CSMD2: variants seen among roughly 807,000 people sequenced by gnomAD.
CSMD2 encodes the protein CUB and sushi domain-containing protein 2.
Under a neutral mutation model 398.5 loss-of-function variants are expected in CSMD2, and 130 were observed. That is an observed-to-expected ratio of 0.33 (90% confidence interval 0.28 to 0.38). The LOEUF (loss-of-function observed/expected upper bound fraction) is 0.38. Among genes scored for constraint, CSMD2 ranks in the 10% least tolerant of loss-of-function variants. CSMD2 has a pLI of 1.00. For missense variants in CSMD2, 3,829 were observed against 4,764.9 expected (o/e 0.80, Z 5.78); for synonymous variants, 1,828 against 1,908.5 (o/e 0.96, Z 1.10).
At position 33,537,453 on chromosome 1, in the gene CSMD2, G is replaced by A. The variant is rs924600029; in HGVS notation, c.9788C>T (p.Thr3263Ile). ...CCTCTCACCTATGCAGCTGGGCTGG[G>A]TGCCACTCCATGTCCCATCTGACTG... The part of the protein sequence containing the change: ...FCQSDGTWSG[T>I]QPSCIDPTLT... Residue 3263 changes from threonine (T) to isoleucine (I), a missense_variant, in exon 61 of 71, where the codon ACC becomes ATC. Thr to Ile is a moderately conservative substitution (Grantham distance 89). Transcript: ENST00000373381. The surrounding 1 kb of genome is among the most constrained non-coding windows in gnomAD (Gnocchi z 4.6). The A allele has an allele frequency of 3.1e-6, 5 of 1,613,490 alleles. No homozygotes were observed. The highest frequency in any genetic ancestry group is 1.7e-4 in the Middle Eastern group (1 of 6,008).
At chr1:33,768,028 C>T (rs1282619054) in intron 13 of CSMD2, among the ~76,000 whole-genome samples, 1 of 152,094 alleles carries the variant, frequency 6.6e-6, no homozygotes, top group African/African-American at 2.4e-5. Context: ...TTTCTTTGAA[C>T]CTTGTTTTAA....
chr1:34,085,035 G>T (rs1260814377), intron 2 of CSMD2, among the ~76,000 whole-genome samples: 1 of 152,200 alleles, frequency 6.6e-6, no homozygotes, highest in Admixed American at 6.5e-5. Context: ...ATACACCATG[G>T]AATACTATGT....
At chr1:33,599,818 T>C in intron 44 of CSMD2, 1 of 243,764 alleles carries the variant, frequency 4.1e-6, no homozygotes. Context: ...TTTACATCCT[T>C]GTTTCTCTCT....
intron 5 of CSMD2, among the ~76,000 whole-genome samples, chr1:33,872,065 A>G (rs1308181824): frequency 6.6e-6 from 1 of 152,178 alleles, no homozygotes; most frequent in African/African-American, 2.4e-5. Context: ...TTTCCAGCAC[A>G]TGACATTTGG....
At chr1:33,783,379 G>A (rs1294571786) in intron 12 of CSMD2, among the ~76,000 whole-genome samples, 2 of 151,270 alleles carry the variant, frequency 1.3e-5, no homozygotes, top group Admixed American at 6.6e-5. Flanking sequence ...GCAGGGCCCC[G>A]ATCTGAGAGG....
At chr1:34,014,575 T>C (rs1647817222) in intron 3 of CSMD2, among the ~76,000 whole-genome samples, 1 of 152,202 alleles carries the variant, frequency 6.6e-6, no homozygotes, top group East Asian at 1.9e-4. Flanking sequence ...TAGTGTGATC[T>C]TTTCCTGGAG....
intron 4 of CSMD2, among the ~76,000 whole-genome samples, chr1:33,931,670 G>A (rs1367979387): frequency 2.0e-4 from 30 of 152,174 alleles, no homozygotes; most frequent in Non-Finnish European, 4.4e-5. Context: ...ATTCTCTGGT[G>A]TGGCTAAAGT....
At chr1:33,684,970 C>T (rs1645020524) in intron 25 of CSMD2, among the ~76,000 whole-genome samples, 1 of 152,242 alleles carries the variant, frequency 6.6e-6, no homozygotes, top group Non-Finnish European at 1.5e-5. Flanking sequence ...ACTATTGAGG[C>T]TCTAAAAGCA....
rs145258618 is a variant in CSMD2 at position 33,581,225 on chromosome 1, G to A, written c.7241-326C>T. Reference sequence around the variant, plus strand: ...TCAAACTGGGAACTTCTTCCACTTGGCCACCCTACTTCTCTTGTGTGTATT... The same window carrying A: ...TCAAACTGGGAACTTCTTCCACTTGACCACCCTACTTCTCTTGTGTGTATT... On this transcript the variant is annotated intron_variant, in intron 47 of 70. Coordinates refer to ENST00000373381, the MANE Select transcript of CSMD2 (RefSeq NM_001281956.2). Among the ~76,000 whole-genome samples the A allele has an allele frequency of 5.2e-3, 784 of 151,848 alleles. 12 individuals carry two copies. The highest frequency in any genetic ancestry group is 0.018 in the African/African-American group (739 of 41,422).
At chr1:33,792,267 G>C (rs148444373) in intron 11 of CSMD2, among the ~76,000 whole-genome samples, 156 bp downstream of exon 11, 2 of 152,302 alleles carry the variant, frequency 1.3e-5, no homozygotes, top group East Asian at 3.9e-4. Flanking sequence ...GGTCAGAGTA[G>C]AGAGAGGTAG....
At chr1:33,738,667 A>G (rs1646958139) in intron 15 of CSMD2, among the ~76,000 whole-genome samples, 1 of 152,154 alleles carries the variant, frequency 6.6e-6, no homozygotes, top group East Asian at 1.9e-4. Flanking sequence ...AAGGATATAA[A>G]GTCAGCATTT....
intron 5 of CSMD2, among the ~76,000 whole-genome samples, chr1:33,856,024 C>T (rs570070021): frequency 2.6e-5 from 4 of 152,324 alleles, no homozygotes; most frequent in Admixed American, 1.3e-4. Flanking sequence ...GGGCATGCAA[C>T]GTAACTTCTC....
intron 10 of CSMD2, chr1:33,804,636 T>C: frequency 1.4e-6 from 1 of 707,892 alleles, no homozygotes; most frequent in Admixed American, 2.0e-5. Flanking sequence ...AATGAATGAA[T>C]GAATGCTCAT....
intron 1 of CSMD2, among the ~76,000 whole-genome samples, chr1:34,126,561 T>C (rs1261939060): frequency 1.3e-5 from 2 of 150,810 alleles, no homozygotes; most frequent in Non-Finnish European, 3.0e-5. Flanking sequence ...GCTCCCATTT[T>C]GCTTCAAAAT....
intron 3 of CSMD2, among the ~76,000 whole-genome samples, chr1:33,969,509 G>C (rs1645678290): frequency 6.6e-6 from 1 of 152,170 alleles, no homozygotes; most frequent in Non-Finnish European, 1.5e-5. Context: ...AGTTACAGAT[G>C]CCATGCACTA....
intron 5 of CSMD2, among the ~76,000 whole-genome samples, chr1:33,895,650 G>A (rs909913645): frequency 3.9e-5 from 6 of 152,144 alleles, no homozygotes; most frequent in African/African-American, 1.2e-4. Context: ...CTTGGTGCAG[G>A]GATATGGCTT....
Position 33,612,261 on chromosome 1 carries a change from T to C in CSMD2, c.6134-1011A>G, listed in dbSNP as rs1015856934. Among the ~76,000 whole-genome samples, 3 of 152,210 alleles carry C rather than the reference T, an allele frequency of 2.0e-5. No homozygotes were observed. The South Asian group carries it at 6.2e-4, about 32-fold the overall frequency. On this transcript the variant is annotated intron_variant, in intron 40 of 70. Transcript: ENST00000373381. ...AAATTGGCTTATCTGTGCTATCAAA[T>C]AAGCTCAGAATAAGCACGAGTATAA...
intron 26 of CSMD2, among the ~76,000 whole-genome samples, chr1:33,660,218 T>C (rs1305865185): frequency 6.6e-6 from 1 of 152,226 alleles, no homozygotes; most frequent in Non-Finnish European, 1.5e-5. Context: ...GGAGTAATAA[T>C]GGTGCCCATA....
intron 56 of CSMD2, among the ~76,000 whole-genome samples, chr1:33,549,449 T>C (rs953468939): frequency 1.3e-5 from 2 of 152,252 alleles, no homozygotes; most frequent in Non-Finnish European, 2.9e-5. Flanking sequence ...GTTTCTGCTA[T>C]TGGCAGGACA....
Sources: allele counts gnomAD v4.1 joint callset (sites outside exome capture counted in the v4.1 genomes callset), GRCh38; gene constraint gnomAD v4.1.1; non-coding constraint Gnocchi (gnomAD v3.1); transcripts MANE v1.5; gene names NCBI Gene and HGNC (gene_info 2026-07-23, HGNC 2026-07-21).